Variants in NRG3 observed in about 807,000 individuals in gnomAD.
NRG3 encodes the protein neuregulin 3.
In NRG3, 31 loss-of-function variants were observed where a neutral mutation model predicts 66.9. The observed-to-expected ratio is 0.46, with a 90% CI of 0.35 to 0.63. NRG3 has a LOEUF of 0.63. NRG3 is among the 20% of genes least tolerant of loss of function. The pLI, the probability that NRG3 is intolerant of heterozygous loss-of-function variation, is 0.00. For synonymous variants in NRG3, 393 were observed against 359.4 expected, an observed-to-expected ratio of 1.09 and a Z score of -1.06; for missense variants, 910 against 878.9, an observed-to-expected ratio of 1.04 and a Z score of -0.45.
intron 1 of NRG3, among the ~76,000 whole-genome samples, chr10:82,100,146 C>G (rs1031950222): frequency 1.3e-5 from 2 of 151,988 alleles, no homozygotes; most frequent in African/African-American, 4.8e-5. Context: ...CACTAGAATT[C>G]AATTTTAATG....
intron 2 of NRG3, among the ~76,000 whole-genome samples, chr10:82,544,854 A>C (rs1418071719): frequency 1.3e-5 from 2 of 152,246 alleles, no homozygotes; most frequent in Non-Finnish European, 2.9e-5. Context: ...AGTAAAAAGC[A>C]AAGTTTCTGT....
intron 1 of NRG3, among the ~76,000 whole-genome samples, chr10:82,312,800 C>A (rs970085740): frequency 6.6e-5 from 10 of 151,818 alleles, no homozygotes; most frequent in African/African-American, 2.2e-4. Context: ...ATTTGTACAG[C>A]ATTAGTAATT....
intron 1 of NRG3, among the ~76,000 whole-genome samples, chr10:81,940,065 G>T (rs1424427748): frequency 6.6e-6 from 1 of 151,882 alleles, no homozygotes; most frequent in African/African-American, 2.4e-5. Context: ...TCATCTATTT[G>T]TGAATTTTCC....
At chr10:82,896,480 T>C (rs1200824716) in intron 4 of NRG3, among the ~76,000 whole-genome samples, 1 of 152,210 alleles carries the variant, frequency 6.6e-6, no homozygotes, top group Non-Finnish European at 1.5e-5. Context: ...TTTGTGGATA[T>C]AGATAAATAG....
chr10:82,757,241 C>G (rs1248912785), intron 3 of NRG3, among the ~76,000 whole-genome samples: 2 of 152,032 alleles, frequency 1.3e-5, no homozygotes, highest in Non-Finnish European at 2.9e-5. Context: ...TTCAATCTTT[C>G]TATGTACTGG....
At chr10:82,058,884 G>A (rs2063984146) in intron 1 of NRG3, among the ~76,000 whole-genome samples, 1 of 152,250 alleles carries the variant, frequency 6.6e-6, no homozygotes, top group Admixed American at 6.5e-5. Flanking sequence ...TATAGGAGGT[G>A]CGTCTGACCT....
At chr10:82,252,254 A>G (rs982461956) in intron 1 of NRG3, among the ~76,000 whole-genome samples, 5 of 152,104 alleles carry the variant, frequency 3.3e-5, no homozygotes, top group African/African-American at 9.7e-5. Flanking sequence ...GGTACAAAAA[A>G]TTTTTTTCCC....
chr10:82,642,385 A>T (rs181602526), intron 2 of NRG3, among the ~76,000 whole-genome samples: 1 of 152,108 alleles, frequency 6.6e-6, no homozygotes, highest in Non-Finnish European at 1.5e-5. Flanking sequence ...GATTATTAAC[A>T]GCTGTTAACA....
At chr10:81,923,530 G>C (rs1564660776) in intron 1 of NRG3, among the ~76,000 whole-genome samples, 2 of 152,118 alleles carry the variant, frequency 1.3e-5, no homozygotes, top group South Asian at 2.1e-4. Flanking sequence ...TGTGGGGTAG[G>C]CAACAAAGCC....
intron 2 of NRG3, among the ~76,000 whole-genome samples, chr10:82,420,637 A>G (rs1223979992): frequency 6.6e-6 from 1 of 152,172 alleles, no homozygotes; most frequent in African/African-American, 2.4e-5. Context: ...AGTTAAACAT[A>G]CAATTTCCAT....
intron 1 of NRG3, among the ~76,000 whole-genome samples, chr10:82,082,155 T>C (rs1339032618): frequency 6.6e-6 from 1 of 152,248 alleles, no homozygotes; most frequent in Non-Finnish European, 1.5e-5. Context: ...TAACTGCTTA[T>C]GTGTACTGCT....
intron 1 of NRG3, among the ~76,000 whole-genome samples, chr10:82,352,737 CT>C (rs1041593237): frequency 6.6e-6 from 1 of 151,816 alleles, no homozygotes; most frequent in Non-Finnish European, 1.5e-5. Flanking sequence ...ACAATTGTGG[CT>C]TGTGTATTGA....
At chr10:82,918,709 A>G (rs1014626539) in intron 4 of NRG3, among the ~76,000 whole-genome samples, 1 of 152,134 alleles carries the variant, frequency 6.6e-6, no homozygotes, top group Non-Finnish European at 1.5e-5. Context: ...CCTAAGGAAA[A>G]GTCCTGATAT....
intron 1 of NRG3, among the ~76,000 whole-genome samples, chr10:81,899,165 A>C (rs1342391902): frequency 6.6e-6 from 1 of 152,194 alleles, no homozygotes; most frequent in Non-Finnish European, 1.5e-5. Flanking sequence ...CCAAATTTGG[A>C]ATAATGGTTT....
intron 1 of NRG3, among the ~76,000 whole-genome samples, chr10:81,982,010 AT>A (rs986387840): frequency 6.6e-6 from 1 of 151,572 alleles, no homozygotes; most frequent in African/African-American, 2.4e-5. Context: ...CATACCTTTT[AT>A]TTTTTTTCAA....
intron 2 of NRG3, among the ~76,000 whole-genome samples, chr10:82,442,601 G>A (rs1340477474): frequency 2.0e-5 from 3 of 152,058 alleles, no homozygotes; most frequent in African/African-American, 7.2e-5. Flanking sequence ...GGGAGATGGT[G>A]CAGCACAGTC....
chr10:82,384,204 G>A lies in NRG3; in HGVS notation c.953+25336G>A, dbSNP rs2085822976. Among the ~76,000 whole-genome samples, 8 of 151,784 alleles carry A rather than the reference G, an allele frequency of 5.3e-5. No individual in the cohort carries two copies. The South Asian group carries it at 8.3e-4, about 16-fold the overall frequency. Reference sequence around the variant, plus strand: ...TTCTCCATTTGAAAAATGTCTTTAAGTTGTTTGGGTTTTTCTTTTTCTCTA... The same window carrying A: ...TTCTCCATTTGAAAAATGTCTTTAAATTGTTTGGGTTTTTCTTTTTCTCTA... On this transcript the variant is annotated intron_variant, in intron 2 of 8. Coordinates refer to ENST00000372141, the MANE Select transcript of NRG3 (RefSeq NM_001010848.4).
rs1468458925 is a variant in NRG3, at chr10:82,348,966, C to T, written c.824-9773C>T. Among the ~76,000 whole-genome samples the T allele has an allele frequency of 2.0e-5, 3 of 149,856 alleles. No homozygotes were observed. The East Asian group carries it at 6.0e-4, about 30-fold the overall frequency. On this transcript the variant is annotated intron_variant, in intron 1 of 8. Coordinates refer to ENST00000372141, the MANE Select transcript of NRG3 (RefSeq NM_001010848.4). ...GTATTGGTTATTCTAGTTATACATT[C>T]TTCTAAATTTTTTTCAAAGTTTTCA...
At chr10:82,080,211 A>G (rs190394488) in intron 1 of NRG3, among the ~76,000 whole-genome samples, 1 of 152,206 alleles carries the variant, frequency 6.6e-6, no homozygotes, top group Non-Finnish European at 1.5e-5. Flanking sequence ...TCCTTATACT[A>G]TAAGCATTTG....
Sources: allele counts gnomAD v4.1 joint callset (sites outside exome capture counted in the v4.1 genomes callset), GRCh38; gene constraint gnomAD v4.1.1; transcripts MANE v1.5; gene names NCBI Gene and HGNC (gene_info 2026-07-23, HGNC 2026-07-21).